NRXN3: variants seen among roughly 807,000 people sequenced by gnomAD.
The protein encoded by NRXN3 is neurexin III.
A neutral mutation model predicts 137.6 loss-of-function variants in NRXN3; 32 were observed. The ratio of observed to expected loss-of-function variants is 0.23; its 90% CI spans 0.18 to 0.31. The LOEUF is 0.31. Ranked by LOEUF, NRXN3 falls within the 10% of genes least tolerant of loss-of-function variation. The pLI is 1.00. For missense variants in NRXN3, 1,574 were observed against 2,062.5 expected, an observed-to-expected ratio of 0.76 and a Z score of 4.59; for synonymous variants, 798 against 784.5, an observed-to-expected ratio of 1.02 and a Z score of -0.29.
chr14:79,405,176 G>A (rs1464743330), intron 15 of NRXN3, among the ~76,000 whole-genome samples: 1 of 152,060 alleles, frequency 6.6e-6, no homozygotes, highest in African/African-American at 2.4e-5. Flanking sequence ...AAAAGCAGGA[G>A]AAAATTACTG....
chr14:79,761,499 T>A (rs571312761), intron 19 of NRXN3, among the ~76,000 whole-genome samples: 1 of 151,490 alleles, frequency 6.6e-6, no homozygotes, highest in East Asian at 1.9e-4. Context: ...CTGGATCTCA[T>A]CCTGGCCAAC....
At chr14:78,419,821 C>T (rs1269046413) in intron 4 of NRXN3, among the ~76,000 whole-genome samples, 1 of 152,194 alleles carries the variant, frequency 6.6e-6, no homozygotes, top group Non-Finnish European at 1.5e-5. Context: ...TTGGCACTGA[C>T]ATGCCTTGGA....
chr14:79,398,129 C>T (rs2370977), intron 15 of NRXN3, among the ~76,000 whole-genome samples: 55,979 of 152,012 alleles, frequency 0.37, 10,514 homozygotes, highest in African/African-American at 0.41. Flanking sequence ...GAACTGTATA[C>T]TCTTGCCATC....
intron 15 of NRXN3, among the ~76,000 whole-genome samples, chr14:79,157,687 A>G (rs762313749): frequency 3.3e-5 from 5 of 151,858 alleles, no homozygotes; most frequent in African/African-American, 1.2e-4. Flanking sequence ...CATTTGATGG[A>G]TAAGTGACTC....
At chr14:78,516,590 C>G (rs553526363) in intron 4 of NRXN3, among the ~76,000 whole-genome samples, 1 of 151,626 alleles carries the variant, frequency 6.6e-6, no homozygotes, top group Admixed American at 6.6e-5. Context: ...TGGAGAGCAC[C>G]GAGGTCAACA....
chr14:79,513,821 C>T (rs1302905857), intron 16 of NRXN3, among the ~76,000 whole-genome samples: 1 of 152,188 alleles, frequency 6.6e-6, no homozygotes, highest in African/African-American at 2.4e-5. Flanking sequence ...AGCACAAATT[C>T]TACAAAATCA....
At chr14:79,511,361 A>G (rs2096930827) in intron 16 of NRXN3, among the ~76,000 whole-genome samples, 1 of 152,188 alleles carries the variant, frequency 6.6e-6, no homozygotes, top group African/African-American at 2.4e-5. Flanking sequence ...AGCCAAGGGA[A>G]GGACAAGAGG....
intron 14 of NRXN3, among the ~76,000 whole-genome samples, chr14:78,981,971 C>A (rs921747292): frequency 8.6e-5 from 13 of 152,012 alleles, no homozygotes; most frequent in African/African-American, 2.7e-4. Flanking sequence ...AGAGTCTAGC[C>A]CAGACTCTCA....
chr14:79,099,533 A>G (rs190365331), intron 15 of NRXN3, among the ~76,000 whole-genome samples: 28 of 152,298 alleles, frequency 1.8e-4, no homozygotes, highest in Non-Finnish European at 3.1e-4. Flanking sequence ...TTAAAATGTT[A>G]TGGGGAAGCT....
At chr14:78,529,420 T>A (rs2096428885) in intron 4 of NRXN3, among the ~76,000 whole-genome samples, 1 of 152,168 alleles carries the variant, frequency 6.6e-6, no homozygotes, top group Non-Finnish European at 1.5e-5. Flanking sequence ...GAAACTAAGT[T>A]CTATACTTAA....
intron 16 of NRXN3, among the ~76,000 whole-genome samples, chr14:79,532,959 A>G (rs756239687): frequency 2.6e-5 from 4 of 152,166 alleles, no homozygotes; most frequent in Non-Finnish European, 2.9e-5. Flanking sequence ...CCTAAATTCT[A>G]TTCCCAAAGG....
Position 78,471,291 on chromosome 14 carries a change from A to AACACAC in NRXN3, c.757+173468_757+173473dup, listed in dbSNP as rs553942003. ...TCCCTTTCTTCTCTTCAACACACTCAACACACACACACACACACACACACA... is the reference window on the plus strand; with the variant it reads ...TCCCTTTCTTCTCTTCAACACACTCAACACACACACACACACACACACACACACACA... On this transcript the variant is annotated intron_variant, in intron 4 of 20. Coordinates refer to ENST00000335750, the MANE Select transcript of NRXN3 (RefSeq NM_001330195.2). Among the ~76,000 whole-genome samples the AACACAC allele has an allele frequency of 1.0e-4, 10 of 96,852 alleles. No homozygotes were observed. The East Asian group carries it at 2.3e-3, about 22-fold the overall frequency. 63.5% of individuals were successfully genotyped at this position (96,852 alleles called of 152,430 possible). A position where few individuals can be genotyped will look rare whatever the true frequency, so the allele number is the denominator to read the frequency against.
chr14:78,866,227 GAA>G (rs1437287304), intron 10 of NRXN3, among the ~76,000 whole-genome samples: 6 of 151,966 alleles, frequency 3.9e-5, no homozygotes, highest in African/African-American at 1.4e-4. Flanking sequence ...GTGTTCTGGG[GAA>G]AGAAAAGAAA....
intron 4 of NRXN3, among the ~76,000 whole-genome samples, chr14:78,447,364 C>T (rs754902176): frequency 5.9e-5 from 9 of 152,168 alleles, no homozygotes; most frequent in South Asian, 2.1e-4. Context: ...TTTTAATTTA[C>T]GGAGGCACCC....
intron 10 of NRXN3, among the ~76,000 whole-genome samples, chr14:78,853,226 C>T (rs906295964): frequency 6.6e-6 from 1 of 152,136 alleles, no homozygotes; most frequent in Admixed American, 6.5e-5. Flanking sequence ...TCTTCCCCTA[C>T]CCCACAACAG....
chr14:78,959,139 G>A (rs2099403129), intron 11 of NRXN3, among the ~76,000 whole-genome samples: 1 of 152,102 alleles, frequency 6.6e-6, no homozygotes, highest in African/African-American at 2.4e-5. Flanking sequence ...AGATATGTAC[G>A]TGCATGTACA....
chr14:79,392,319 C>G (rs1345705508), intron 15 of NRXN3, among the ~76,000 whole-genome samples: 1 of 152,160 alleles, frequency 6.6e-6, no homozygotes, highest in Non-Finnish European at 1.5e-5. Context: ...GCGAAGTACA[C>G]GAACTCATCC....
chr14:78,275,775 C>T (rs2073488192), intron 2 of NRXN3, among the ~76,000 whole-genome samples: 2 of 152,052 alleles, frequency 1.3e-5, no homozygotes, highest in South Asian at 4.1e-4. Context: ...TAGCAAACCA[C>T]GTGGGCTAAG....
At chr14:79,595,561 C>A (rs1237548049) in intron 16 of NRXN3, among the ~76,000 whole-genome samples, 1 of 151,998 alleles carries the variant, frequency 6.6e-6, no homozygotes, top group Non-Finnish European at 1.5e-5. Context: ...AAATAGTTTT[C>A]ATCAAACACA....
Sources: allele counts gnomAD v4.1 joint callset (sites outside exome capture counted in the v4.1 genomes callset), GRCh38; gene constraint gnomAD v4.1.1; transcripts MANE v1.5; gene names NCBI Gene and HGNC (gene_info 2026-07-23, HGNC 2026-07-21).